Variants in NRAP observed in about 807,000 individuals in gnomAD.
The protein encoded by NRAP is nebulin related anchoring protein, also known as nebulin-related-anchoring protein.
A neutral mutation model predicts 225.9 loss-of-function variants in NRAP; 189 were observed. The ratio of observed to expected loss-of-function variants is 0.84; its 90% CI spans 0.74 to 0.94. The LOEUF is 0.94. NRAP is among the 40% of genes least tolerant of loss of function. The pLI is 0.00. For missense variants in NRAP, 2,176 were observed against 2,168.7 expected (o/e 1.00, Z -0.07); for synonymous variants, 769 against 790.7 (o/e 0.97, Z 0.46).
In NRAP at chr10:113,604,712, A is replaced by G; in HGVS notation, c.4124T>C (p.Leu1375Pro). 1 of 1,614,208 alleles carries G rather than the reference A, an allele frequency of 6.2e-7. No homozygotes were observed. ...HLVHAKNAQA[L>P]ASDHDYRTQY... is the part of the protein sequence containing the mutation. The stretch of plus-strand genomic sequence containing the variant: ...TGTCCTGTAGTCGTGGTCGCTGGCC[A>G]GAGCCTGGGCATTCTTGGCATGGAC... Residue 1375 changes from leucine (L) to proline (P), a missense_variant, in exon 35 of 42, where the codon CTG becomes CCG. Around this residue, in one of 3 missense-constraint regions of NRAP, gnomAD observed 23 missense variants for 47.1 expected, o/e 0.49. Coordinates refer to ENST00000359988, the MANE Select transcript of NRAP (RefSeq NM_198060.4).
At chr10:113,601,490 T>C (rs1272828435) in intron 35 of NRAP, among the ~76,000 whole-genome samples, 1 of 152,242 alleles carries the variant, frequency 6.6e-6, no homozygotes, top group African/African-American at 2.4e-5. Flanking sequence ...ATCCAGACTC[T>C]CTCATTAACC....
intron 29 of NRAP, 138 bp from the exon 30 acceptor site, chr10:113,612,569 G>A (rs1847398407): frequency 3.0e-6 from 2 of 665,856 alleles, no homozygotes; most frequent in Non-Finnish European, 5.2e-6. Flanking sequence ...CTCCTTTCTT[G>A]CAGAGACTGG....
intron 40 of NRAP, 28 bp from the exon 41 acceptor site, chr10:113,589,825 A>C (rs968758563): frequency 6.2e-7 from 1 of 1,610,606 alleles, no homozygotes. Context: ...AGCAAGAGGA[A>C]TATGTCAGCA....
At chr10:113,647,533 G>T (rs75193241) in intron 9 of NRAP, among the ~76,000 whole-genome samples, 7 of 148,102 alleles carry the variant, frequency 4.7e-5, no homozygotes, top group Admixed American at 1.3e-4. Flanking sequence ...CGGTGGTACT[G>T]TCTCCCCCGG....
chr10:113,614,927 C>A lies in NRAP; in HGVS notation c.3098G>T (p.Trp1033Leu), dbSNP rs774433510. Reference sequence around the variant, plus strand: ...ATAGCCACCATCTCGAAGTTTGCTCCAGGATTCCTTATAACGCGTCTGTCG... The same window carrying A: ...ATAGCCACCATCTCGAAGTTTGCTCAAGGATTCCTTATAACGCGTCTGTCG... ...NISETRYKES[W>L]SKLRDGGYKL... The change falls in exon 28 of 42, where the codon TGG (tryptophan) becomes TTG (leucine). Residue 1033 changes from tryptophan (W) to leucine (L), a missense_variant. By Grantham distance (61) the Trp-to-Leu change is moderately conservative. Around this residue, in one of 3 missense-constraint regions of NRAP, gnomAD observed 1,708 missense variants for 1,695.5 expected, o/e 1.01. Transcript: ENST00000359988. 4.4e-6 allele frequency: 7 copies of A among 1,608,882 alleles called. No homozygotes were observed. The Admixed American group carries it at 5.0e-5, about 11-fold the overall frequency.
At chr10:113,619,652 C>A (rs945909688) in intron 25 of NRAP, among the ~76,000 whole-genome samples, 1 of 151,426 alleles carries the variant, frequency 6.6e-6, no homozygotes, top group Admixed American at 6.6e-5. Flanking sequence ...AGGCTCATTG[C>A]CAAAGCTAAC....
chr10:113,640,168 C>T (rs1463208625), intron 14 of NRAP, 59 bp downstream of exon 14: 1 of 935,454 alleles, frequency 1.1e-6, no homozygotes, highest in East Asian at 2.5e-5. Context: ...CTACAAATCA[C>T]TCCTCAGGAA....
In NRAP at chr10:113,645,945, A is replaced by T; in HGVS notation, c.994-4T>A. 2 of 1,300,764 alleles carry T rather than the reference A, an allele frequency of 1.5e-6. No homozygotes were observed. Among genetic ancestry groups the T allele is most frequent in the Non-Finnish European group, 2.0e-6 (2 of 975,878 alleles). 80.6% of individuals were successfully genotyped at this position (1,300,764 alleles called of 1,614,324 possible). On this transcript the variant is annotated splice_polypyrimidine_tract_variant and splice_region_variant and intron_variant, in intron 10 of 41. Coordinates refer to ENST00000359988, the MANE Select transcript of NRAP (RefSeq NM_198060.4). The stretch of plus-strand genomic sequence containing the variant: ...TGAAGTCCTGCCTGTATTTTATCTG[A>T]AAAAAAAAACACAAAACGGGGCTGG...
At chr10:113,647,889 C>A (rs1217205162) in intron 9 of NRAP, among the ~76,000 whole-genome samples, 1 of 152,238 alleles carries the variant, frequency 6.6e-6, no homozygotes, top group Non-Finnish European at 1.5e-5. Flanking sequence ...CCCACACCAT[C>A]CATCCACTCC....
intron 29 of NRAP, among the ~76,000 whole-genome samples, chr10:113,613,539 C>T (rs983977774): frequency 6.6e-6 from 1 of 152,198 alleles, no homozygotes; most frequent in Non-Finnish European, 1.5e-5. Context: ...CAGATTTCAT[C>T]ACCAATGTTA....
At chr10:113,593,652 T>C (rs1467516611) in intron 38 of NRAP, among the ~76,000 whole-genome samples, 1 of 152,202 alleles carries the variant, frequency 6.6e-6, no homozygotes, top group African/African-American at 2.4e-5. Context: ...CTGAAAGACA[T>C]GTAGGAATGT....
At chr10:113,614,443 ATTC>A (rs1429997495) in intron 28 of NRAP, 147 bp from the exon 29 acceptor site, 1 of 643,988 alleles carries the variant, frequency 1.6e-6, no homozygotes, top group Non-Finnish European at 2.8e-6. Context: ...CAAAAGGGCT[ATTC>A]TTTCATATGC....
intron 4 of NRAP, among the ~76,000 whole-genome samples, chr10:113,656,086 A>G (rs554482135): frequency 1.3e-5 from 2 of 152,292 alleles, no homozygotes; most frequent in East Asian, 3.9e-4. Flanking sequence ...AGAAAAGCCT[A>G]CCGACCAGCA....
At position 113,610,532 on chromosome 10, in the gene NRAP, C is replaced by T. The variant is rs1311716086; in HGVS notation, c.3530G>A (p.Arg1177Gln). Residue 1177 changes from arginine to glutamine, a missense_variant, in exon 31 of 42, where the codon CGA (arginine) becomes CAA (glutamine). Around this residue, in one of 3 missense-constraint regions of NRAP, gnomAD observed 1,708 missense variants for 1,695.5 expected, o/e 1.01. Transcript: ENST00000359988. ...NLYRSDLNFM[R>Q]GVACVIPGTL... ...GCCTGGAATGACACATGCAACACCT[C>T]GCATAAAGTTCAGGTCTGACCGGTA... 12 of 1,602,708 alleles carry T rather than the reference C, an allele frequency of 7.5e-6. No individual in the cohort carries two copies. Among genetic ancestry groups the T allele is most frequent in the South Asian group, 2.2e-5 (2 of 90,910 alleles).
intron 30 of NRAP, 108 bp from the exon 31 acceptor site, chr10:113,610,671 A>G: frequency 2.9e-6 from 2 of 680,936 alleles, no homozygotes; most frequent in Non-Finnish European, 5.2e-6. Context: ...CGTCATAATT[A>G]GAACTCAAGG....
At chr10:113,623,183 C>A (rs1848095210) in intron 23 of NRAP, among the ~76,000 whole-genome samples, 1 of 152,202 alleles carries the variant, frequency 6.6e-6, no homozygotes. Context: ...CTATCTAACA[C>A]CAGAGCCTGT....
intron 26 of NRAP, among the ~76,000 whole-genome samples, chr10:113,616,796 C>G (rs937092978): frequency 1.3e-5 from 2 of 152,150 alleles, no homozygotes; most frequent in African/African-American, 4.8e-5. Context: ...GCACAAAGAT[C>G]CATGGGTATC....
chr10:113,647,069 C>T (rs761625193), intron 9 of NRAP, 42 bp from the exon 10 acceptor site: 13 of 1,253,306 alleles, frequency 1.0e-5, no homozygotes, highest in Non-Finnish European at 1.4e-5. Flanking sequence ...ATGCTTCCCT[C>T]CCCAGATGGG....
At chr10:113,648,437 T>TTCTCTC (rs376144953) in intron 9 of NRAP, among the ~76,000 whole-genome samples, 4,830 of 65,812 alleles carry the variant, frequency 0.073, 259 homozygotes, top group South Asian at 0.11. Context: ...TTATTTTAGT[T>TTCTCTC]TCTCTCTCTC....
Sources: allele counts gnomAD v4.1 joint callset (sites outside exome capture counted in the v4.1 genomes callset), GRCh38; gene constraint gnomAD v4.1.1; regional missense constraint gnomAD v4.1.1; transcripts MANE v1.5; gene names NCBI Gene and HGNC (gene_info 2026-07-23, HGNC 2026-07-21).